The following STK3 variants were observed in gnomAD, a reference collection of about 807,000 sequenced individuals.
STK3 encodes serine/threonine-protein kinase 3.
STK3 carries 41 observed loss-of-function variants against 58.0 expected under a neutral mutation model. The ratio of observed to expected loss-of-function variants is 0.71; its 90% CI spans 0.55 to 0.92. The LOEUF is 0.92. Among genes scored for constraint, STK3 ranks in the 40% least tolerant of loss-of-function variants. The pLI, the probability that STK3 is intolerant of heterozygous loss-of-function variation, is 0.00. For synonymous variants in STK3, 170 were observed against 191.0 expected (o/e 0.89, Z 0.91); for missense variants, 479 against 602.7 (o/e 0.79, Z 2.15).
At chr8:98,760,613 T>C (rs761423466) in intron 3 of STK3, among the ~76,000 whole-genome samples, 4 of 152,192 alleles carry the variant, frequency 2.6e-5, no homozygotes, top group African/African-American at 2.4e-5. Context: ...CTTTCTCTTA[T>C]GCATCTTCTC....
intron 1 of STK3, among the ~76,000 whole-genome samples, chr8:98,815,939 G>A (rs1202865001): frequency 1.3e-5 from 2 of 152,064 alleles, no homozygotes; most frequent in Non-Finnish European, 2.9e-5. Flanking sequence ...AAAAAAGAAA[G>A]ACAATTAGAC....
chr8:98,574,042 T>C (rs188635686), intron 8 of STK3, among the ~76,000 whole-genome samples: 1 of 152,122 alleles, frequency 6.6e-6, no homozygotes, highest in African/African-American at 2.4e-5. Context: ...TCCTACCAGG[T>C]CCCTACCATG....
intron 1 of STK3, among the ~76,000 whole-genome samples, chr8:98,919,573 T>A (rs577520171): frequency 1.3e-3 from 197 of 152,342 alleles, no homozygotes; most frequent in African/African-American, 4.4e-3. Context: ...ATGGGTGATG[T>A]ATCCATTTGT....
chr8:98,900,575 T>TACATTAC (rs1838617831), intron 1 of STK3, among the ~76,000 whole-genome samples: 1 of 152,176 alleles, frequency 6.6e-6, no homozygotes, highest in South Asian at 2.1e-4. Context: ...GATATATGTA[T>TACATTAC]ACATTACACA....
intron 6 of STK3, among the ~76,000 whole-genome samples, chr8:98,689,958 A>C (rs1354099376): frequency 6.6e-6 from 1 of 152,222 alleles, no homozygotes; most frequent in African/African-American, 2.4e-5. Flanking sequence ...TAATCATCTC[A>C]ATAGACACAG....
chr8:98,878,209 T>C (rs1006249462), intron 3 of STK3, among the ~76,000 whole-genome samples: 6 of 151,950 alleles, frequency 3.9e-5, no homozygotes, highest in Admixed American at 3.9e-4. Flanking sequence ...TGAGCCACTA[T>C]GCCCAGCTAA....
rs995302124 is a variant in STK3, at chr8:98,455,410, A to T, written c.*432T>A. On this transcript the variant is annotated 3_prime_UTR_variant, in exon 11 of 11. Transcript: ENST00000419617. ...GCTATCCTGATCTTGTCCTTAAAAA[A>T]TGAAACAAAGCAAAATAGCATAAAT... 4.5e-5 allele frequency: 7 copies of T among 155,648 alleles called. No homozygotes were observed. Among genetic ancestry groups the T allele is most frequent in the African/African-American group, 1.7e-4 (7 of 41,516 alleles). The allele number at this position is 155,648 out of a possible 1,614,324, so 9.6% of individuals were successfully genotyped here. A position where few individuals can be genotyped will look rare whatever the true frequency, so the allele number is the denominator to read the frequency against.
At chr8:98,843,105 C>G (rs982077819) in intron 3 of STK3, among the ~76,000 whole-genome samples, 13 of 151,142 alleles carry the variant, frequency 8.6e-5, no homozygotes, top group African/African-American at 3.1e-4. Flanking sequence ...CAGAACATAA[C>G]CATTTTTATC....
chr8:98,372,417 C>T (rs1817619749), intron 2 of STK3, among the ~76,000 whole-genome samples: 1 of 152,192 alleles, frequency 6.6e-6, no homozygotes, highest in Non-Finnish European at 1.5e-5. Flanking sequence ...GCCACAGCTC[C>T]CCGGCCCCTC....
chr8:98,911,807 T>C (rs1425357884), intron 1 of STK3, among the ~76,000 whole-genome samples: 2 of 151,934 alleles, frequency 1.3e-5, no homozygotes, highest in Admixed American at 6.6e-5. Flanking sequence ...TTGTACATAA[T>C]GGGAATTTTT....
intron 6 of STK3, among the ~76,000 whole-genome samples, chr8:98,706,098 G>A (rs879632983): frequency 2.6e-5 from 4 of 151,394 alleles, no homozygotes; most frequent in African/African-American, 7.3e-5. Context: ...CACAGAGTGG[G>A]TAAAAAAGTG....
intron 10 of STK3, among the ~76,000 whole-genome samples, chr8:98,498,240 A>G (rs1443330558): frequency 6.6e-6 from 1 of 152,002 alleles, no homozygotes; most frequent in Middle Eastern, 3.2e-3. Flanking sequence ...GGTAGAGAAA[A>G]TGCCTATCAT....
chr8:98,429,332 A>C (rs781686718), intron 3 of STK3: 3 of 1,614,076 alleles, frequency 1.9e-6, no homozygotes, highest in South Asian at 2.2e-5. Context: ...ATGCCCATAA[A>C]GTTAAATCCC....
chr8:98,389,020 A>G (rs1394640833), upstream of STK3, among the ~76,000 whole-genome samples: 1 of 152,218 alleles, frequency 6.6e-6, no homozygotes, highest in Non-Finnish European at 1.5e-5. Context: ...AAAATATGAG[A>G]TGATGAATAT....
chr8:98,400,536 T>G (rs1384852998), downstream of STK3, among the ~76,000 whole-genome samples: 4 of 152,226 alleles, frequency 2.6e-5, no homozygotes, highest in Non-Finnish European at 5.9e-5. Context: ...GTCTGACCCT[T>G]CTGACCCTCG....
At chr8:98,615,135 T>A (rs1333891128) in intron 6 of STK3, among the ~76,000 whole-genome samples, 1 of 151,662 alleles carries the variant, frequency 6.6e-6, no homozygotes, top group Non-Finnish European at 1.5e-5. Context: ...GACTACCTCC[T>A]CAAGTGGGTC....
chr8:98,792,137 G>T (rs1234091688), intron 1 of STK3, among the ~76,000 whole-genome samples: 1 of 152,140 alleles, frequency 6.6e-6, no homozygotes, highest in East Asian at 1.9e-4. Flanking sequence ...CCATCAAAAA[G>T]TGGGCTAAGG....
intron 6 of STK3, among the ~76,000 whole-genome samples, chr8:98,697,463 T>G (rs1029760959): frequency 6.6e-6 from 1 of 152,244 alleles, no homozygotes; most frequent in African/African-American, 2.4e-5. Flanking sequence ...GTGTCAATTT[T>G]GGATCTTTCC....
At chr8:98,452,137 C>A (rs925436568), downstream of STK3, among the ~76,000 whole-genome samples, 1 of 152,062 alleles carries the variant, frequency 6.6e-6, no homozygotes, top group African/African-American at 2.4e-5. Context: ...GAAAAGATTT[C>A]CTGTGACTAA....
Sources: allele counts gnomAD v4.1 joint callset (sites outside exome capture counted in the v4.1 genomes callset), GRCh38; gene constraint gnomAD v4.1.1; transcripts MANE v1.5; gene names NCBI Gene and HGNC (gene_info 2026-07-23, HGNC 2026-07-21).